Variants in RAB10 observed in about 807,000 individuals in gnomAD.
The protein encoded by RAB10 is RAB10, member RAS oncogene family.
Under a neutral mutation model 25.7 loss-of-function variants are expected in RAB10, and 5 were observed. That is an observed-to-expected ratio of 0.19 (90% confidence interval 0.10 to 0.41). The LOEUF is 0.41. Among genes scored for constraint, RAB10 ranks in the 10% least tolerant of loss-of-function variants. The pLI, the probability that RAB10 is intolerant of heterozygous loss-of-function variation, is 1.00. For synonymous variants in RAB10, 89 were observed against 86.4 expected (o/e 1.03, Z -0.16); for missense variants, 103 against 245.8 (o/e 0.42, Z 3.89).
At chr2:26,122,200 T>A (rs954891277) in intron 3 of RAB10, among the ~76,000 whole-genome samples, 1 of 152,236 alleles carries the variant, frequency 6.6e-6, no homozygotes, top group Non-Finnish European at 1.5e-5. Context: ...AGGACCATTT[T>A]AAATAAAAGA....
chr2:26,106,902 C>A (rs565298662), intron 2 of RAB10, among the ~76,000 whole-genome samples: 342 of 149,014 alleles, frequency 2.3e-3, no homozygotes, highest in African/African-American at 8.1e-3. Flanking sequence ...GAAAAAAAGA[C>A]CCATAAGGCT....
At chr2:26,072,499 C>A (rs1666647873) in intron 1 of RAB10, among the ~76,000 whole-genome samples, 1 of 151,938 alleles carries the variant, frequency 6.6e-6, no homozygotes, top group Admixed American at 6.6e-5. Context: ...TACCTTGCAA[C>A]TAATGTTTAA....
At chr2:26,053,177 A>G (rs1296895622) in intron 1 of RAB10, among the ~76,000 whole-genome samples, 1 of 151,972 alleles carries the variant, frequency 6.6e-6, no homozygotes, top group Non-Finnish European at 1.5e-5. Context: ...CTTTTTTAAA[A>G]CTTGTAACAT....
chr2:26,117,635 A>C (rs1667719958), intron 3 of RAB10, among the ~76,000 whole-genome samples: 2 of 145,252 alleles, frequency 1.4e-5, no homozygotes, highest in African/African-American at 5.0e-5. Context: ...AAAAAAAAAA[A>C]CAAAAAAAAC....
Position 26,135,209 on chromosome 2 carries a change from C to G in RAB10, c.*188C>G, listed in dbSNP as rs1028071778. On this transcript the variant is annotated 3_prime_UTR_variant, in exon 6 of 6. Transcript: ENST00000264710. ...TGACTTTATCATAATTTTCTTCAAA[C>G]AAAAAAATGTATAGAAAAATCATGT... The G allele has an allele frequency of 1.6e-5, 8 of 497,068 alleles. No individual in the cohort carries two copies. Among genetic ancestry groups the G allele is most frequent in the Non-Finnish European group, 2.5e-5 (7 of 283,130 alleles). 30.8% of individuals were successfully genotyped at this position (497,068 alleles called of 1,614,324 possible).
intron 2 of RAB10, among the ~76,000 whole-genome samples, chr2:26,103,316 A>G (rs1210397563): frequency 6.6e-6 from 1 of 152,208 alleles, no homozygotes; most frequent in African/African-American, 2.4e-5. Flanking sequence ...ATTTTGAGAA[A>G]CCAGTCATAT....
chr2:26,039,885 T>C (rs1242615698), intron 1 of RAB10, among the ~76,000 whole-genome samples: 1 of 152,024 alleles, frequency 6.6e-6, no homozygotes, highest in Non-Finnish European at 1.5e-5. Flanking sequence ...TATTTCACAT[T>C]CTTTTTCTCT....
intron 1 of RAB10, among the ~76,000 whole-genome samples, chr2:26,063,761 C>T (rs902548811): frequency 6.5e-4 from 99 of 152,038 alleles, no homozygotes; most frequent in African/African-American, 2.3e-3. Flanking sequence ...TGACATTTTT[C>T]GATGAGTCTT....
intron 1 of RAB10, among the ~76,000 whole-genome samples, chr2:26,044,064 G>A (rs773093958): frequency 2.6e-5 from 4 of 152,168 alleles, no homozygotes; most frequent in Non-Finnish European, 5.9e-5. Context: ...AGGCTCTGGA[G>A]ATCTGTTGCA....
chr2:26,051,360 G>C (rs894140295), intron 1 of RAB10, among the ~76,000 whole-genome samples: 18 of 7,546 alleles, frequency 2.4e-3, no homozygotes, highest in Admixed American at 0.014. Context: ...CTCCCTTTTT[G>C]CCCCCCCCCC....
chr2:26,043,035 T>C (rs1665925538), intron 1 of RAB10, among the ~76,000 whole-genome samples: 3 of 152,144 alleles, frequency 2.0e-5, no homozygotes, highest in East Asian at 1.9e-4. Flanking sequence ...GCAGCCACAG[T>C]GAGAAACAAT....
At chr2:26,064,778 G>A (rs1666479111) in intron 1 of RAB10, among the ~76,000 whole-genome samples, 1 of 152,182 alleles carries the variant, frequency 6.6e-6, no homozygotes, top group Admixed American at 6.5e-5. Context: ...TGGGTGTGGT[G>A]GCTCATGCCT....
At chr2:26,081,831 C>T (rs1439287340) in intron 1 of RAB10, among the ~76,000 whole-genome samples, 1 of 152,112 alleles carries the variant, frequency 6.6e-6, no homozygotes, top group African/African-American at 2.4e-5. Context: ...AAAGGAAAAG[C>T]TATCAATTTA....
intron 2 of RAB10, 101 bp downstream of exon 2, chr2:26,098,823 T>C: frequency 5.7e-6 from 6 of 1,046,196 alleles, no homozygotes; most frequent in Non-Finnish European, 5.5e-6. Context: ...GTGAGACTTT[T>C]GTTTTTAAAG....
At chr2:26,092,298 TG>T (rs1667125441) in intron 1 of RAB10, among the ~76,000 whole-genome samples, 70 of 135,722 alleles carry the variant, frequency 5.2e-4, no homozygotes, top group Middle Eastern at 7.4e-3. Context: ...TGTGTGTGTG[TG>T]TGTGTGTGTG....
intron 1 of RAB10, among the ~76,000 whole-genome samples, chr2:26,086,452 A>G (rs1470814836): frequency 2.6e-5 from 4 of 152,252 alleles, no homozygotes; most frequent in African/African-American, 7.2e-5. Context: ...ACAAAAGGAA[A>G]GTAACAAGTA....
At chr2:26,048,870 A>G (rs557101506) in intron 1 of RAB10, among the ~76,000 whole-genome samples, 2 of 152,310 alleles carry the variant, frequency 1.3e-5, no homozygotes, top group South Asian at 2.1e-4. Flanking sequence ...TCTCAATACA[A>G]TAAAATAAAA....
rs774344763 is a variant in RAB10 at position 26,135,024 on chromosome 2, A to T, written c.*3A>T. On this transcript the variant is annotated 3_prime_UTR_variant, in exon 6 of 6. Transcript: ENST00000264710. Reference sequence around the variant, plus strand: ...GCTGGAAGAGCAAATGCTGCTGAGCATTCTCCTGTTCCATCAGTTGCCATC... The same window carrying T: ...GCTGGAAGAGCAAATGCTGCTGAGCTTTCTCCTGTTCCATCAGTTGCCATC... 3 of 1,609,034 alleles carry T rather than the reference A, an allele frequency of 1.9e-6. No individual in the cohort carries two copies. Among genetic ancestry groups the T allele is most frequent in the Admixed American group, 1.7e-5 (1 of 59,892 alleles).
intron 5 of RAB10, among the ~76,000 whole-genome samples, chr2:26,133,026 G>A (rs1668040184): frequency 1.3e-5 from 2 of 152,046 alleles, no homozygotes; most frequent in Non-Finnish European, 2.9e-5. Flanking sequence ...TCTTTTTAAT[G>A]CATAATTTGC....
Sources: allele counts gnomAD v4.1 joint callset (sites outside exome capture counted in the v4.1 genomes callset), GRCh38; gene constraint gnomAD v4.1.1; transcripts MANE v1.5; gene names NCBI Gene and HGNC (gene_info 2026-07-23, HGNC 2026-07-21).